PDE10A: variants seen among roughly 807,000 people sequenced by gnomAD.
PDE10A encodes the protein phosphodiesterase 10A.
PDE10A carries 39 observed loss-of-function variants against 97.7 expected under a neutral mutation model. The observed-to-expected ratio is 0.40, with a 90% CI of 0.31 to 0.52. The LOEUF (loss-of-function observed/expected upper bound fraction) is 0.52, where lower values mean the gene tolerates loss of function less well. Among genes scored for constraint, PDE10A ranks in the 20% least tolerant of loss-of-function variants. The pLI, the probability that PDE10A is intolerant of heterozygous loss-of-function variation, is 0.56. For synonymous variants in PDE10A, 371 were observed against 376.8 expected, an observed-to-expected ratio of 0.98 and a Z score of 0.18; for missense variants, 731 against 1,047.8, an observed-to-expected ratio of 0.70 and a Z score of 4.17.
At chr6:165,902,302 G>A (rs1171905935) in intron 1 of PDE10A, among the ~76,000 whole-genome samples, 4 of 152,158 alleles carry the variant, frequency 2.6e-5, no homozygotes, top group Non-Finnish European at 5.9e-5. Context: ...TTGCTTCCTC[G>A]GCTGGATTTG....
intron 13 of PDE10A, among the ~76,000 whole-genome samples, chr6:165,412,254 C>G (rs1787918610): frequency 6.6e-6 from 1 of 152,014 alleles, no homozygotes; most frequent in Admixed American, 6.6e-5. Flanking sequence ...AATACATATT[C>G]AGAGAGTAAA....
rs539363876 is a variant in PDE10A at position 165,985,239 on chromosome 6, C to A, written c.-615+2290G>T. ...AACATCTCCATCTGGTTCATTTTTC[C>A]TTTGCGTTATAACTGCAGCCCAGAA... On this transcript the variant is annotated intron_variant, in intron 1 of 19. Coordinates refer to the PDE10A transcript ENST00000366882. Among the ~76,000 whole-genome samples the A allele has an allele frequency of 7.9e-5, 12 of 152,334 alleles. No homozygotes were observed. The East Asian group carries it at 2.3e-3, about 29-fold the overall frequency.
chr6:165,505,712 T>C (rs1438871682), intron 2 of PDE10A, among the ~76,000 whole-genome samples: 2 of 152,138 alleles, frequency 1.3e-5, no homozygotes, highest in African/African-American at 4.8e-5. Context: ...TAAATTCTTT[T>C]GAGGTAAAGC....
At chr6:165,921,139 C>T (rs573725812) in intron 1 of PDE10A, among the ~76,000 whole-genome samples, 2 of 152,308 alleles carry the variant, frequency 1.3e-5, no homozygotes, top group Middle Eastern at 3.4e-3. Flanking sequence ...TTACGAATTT[C>T]CCCAGTGCCA....
chr6:165,762,900 CAT>C (rs368704985), intron 1 of PDE10A, among the ~76,000 whole-genome samples: 117 of 149,948 alleles, frequency 7.8e-4, no homozygotes, highest in African/African-American at 2.4e-3. Flanking sequence ...CACACACACA[CAT>C]GTAGAGATAG....
At chr6:165,462,473 T>C (rs940104726) in intron 3 of PDE10A, among the ~76,000 whole-genome samples, 5 of 152,192 alleles carry the variant, frequency 3.3e-5, no homozygotes, top group African/African-American at 1.2e-4. Context: ...GTTATGCTTG[T>C]GCTTCTCCAG....
chr6:165,940,134 T>C (rs931143784), intron 1 of PDE10A: 1 of 152,260 alleles, frequency 6.6e-6, no homozygotes, highest in Non-Finnish European at 1.5e-5. Context: ...TTGCTTGTTT[T>C]ATTATTCCAG....
intron 11 of PDE10A, among the ~76,000 whole-genome samples, chr6:165,417,419 C>T (rs987980608): frequency 5.3e-5 from 8 of 152,084 alleles, no homozygotes; most frequent in South Asian, 2.1e-4. Context: ...ATTAAGAAGC[C>T]GCCCTTACAT....
rs189472000 is a variant in PDE10A at position 165,638,956 on chromosome 6, T to C, written c.865+22991A>G. Among the ~76,000 whole-genome samples the C allele has an allele frequency of 7.2e-4, 110 of 152,204 alleles. 1 individual carries two copies. Among genetic ancestry groups the C allele is most frequent in the African/African-American group, 2.6e-3 (109 of 41,514 alleles). On this transcript the variant is annotated intron_variant, in intron 1 of 21. Transcript: ENST00000539869. ...TGTAATGACGCCCTAACAATGCTGA[T>C]TTTTATAGTCTACAAAGTACCTTCA...
chr6:165,926,590 G>C (rs1379416051), intron 1 of PDE10A, among the ~76,000 whole-genome samples: 1 of 152,216 alleles, frequency 6.6e-6, no homozygotes, highest in Middle Eastern at 3.2e-3. Context: ...GTGTGTCCCT[G>C]CACTGGATGA....
chr6:165,820,420 T>C (rs988530015), intron 1 of PDE10A, among the ~76,000 whole-genome samples: 15 of 152,270 alleles, frequency 9.9e-5, no homozygotes, highest in African/African-American at 3.6e-4. Context: ...TTTCTCCCTA[T>C]ACTTTCTGAG....
intron 1 of PDE10A, among the ~76,000 whole-genome samples, chr6:165,839,968 T>A (rs1780198383): frequency 7.5e-6 from 1 of 133,164 alleles, no homozygotes; most frequent in African/African-American, 2.7e-5. Flanking sequence ...TACATCTCTG[T>A]CTTCATCCCC....
chr6:165,956,051 G>A (rs573390648), intron 1 of PDE10A, among the ~76,000 whole-genome samples: 8 of 152,224 alleles, frequency 5.3e-5, no homozygotes, highest in African/African-American at 1.7e-4. Flanking sequence ...GAGATAGATG[G>A]GAAAATTGTC....
chr6:165,625,670 C>G (rs773634164), intron 1 of PDE10A, among the ~76,000 whole-genome samples: 5 of 152,082 alleles, frequency 3.3e-5, no homozygotes, highest in Non-Finnish European at 7.3e-5. Flanking sequence ...ATAAGTCTCA[C>G]GAGATCTTAT....
At chr6:165,833,549 C>T (rs538084034) in intron 1 of PDE10A, among the ~76,000 whole-genome samples, 57 of 152,386 alleles carry the variant, frequency 3.7e-4, no homozygotes, top group Non-Finnish European at 6.0e-4. Flanking sequence ...CAGGGCGTAG[C>T]AGGCAGCCAG....
chr6:165,814,726 C>T (rs35500535), intron 1 of PDE10A, among the ~76,000 whole-genome samples: 11,103 of 152,178 alleles, frequency 0.073, 527 homozygotes, highest in Non-Finnish European at 0.11. Flanking sequence ...GAAGAGCCAA[C>T]CCTATCTGGA....
At chr6:165,412,926 GAC>G (rs1002811368) in intron 13 of PDE10A, among the ~76,000 whole-genome samples, 1 of 149,346 alleles carries the variant, frequency 6.7e-6, no homozygotes, top group African/African-American at 2.5e-5. Flanking sequence ...CAATGTAAAA[GAC>G]AGACAATAAA....
intron 1 of PDE10A, among the ~76,000 whole-genome samples, chr6:165,583,942 C>T (rs1052401535): frequency 2.0e-5 from 3 of 152,138 alleles, no homozygotes; most frequent in Non-Finnish European, 2.9e-5. Context: ...AATGTTTCTA[C>T]CAGAAGACAC....
chr6:165,603,661 G>A (rs1787074713), intron 1 of PDE10A, among the ~76,000 whole-genome samples: 1 of 152,230 alleles, frequency 6.6e-6, no homozygotes, highest in Admixed American at 6.5e-5. Context: ...TCTGGGGAGG[G>A]CCCATGCTCT....
Sources: gnomAD v4.1 joint callset for allele counts (sites outside exome capture counted in the v4.1 genomes callset) on GRCh38, gnomAD v4.1.1 for gene constraint, MANE v1.5 for transcripts, NCBI Gene and HGNC (gene_info 2026-07-23, HGNC 2026-07-21) for gene names.